The following WWOX variants were observed in gnomAD, a reference collection of about 807,000 sequenced individuals.
The protein encoded by WWOX is WW domain-containing oxidoreductase.
Under a neutral mutation model 46.2 loss-of-function variants are expected in WWOX, and 69 were observed. The ratio of observed to expected loss-of-function variants is 1.49; its 90% CI spans 1.23 to 1.82. The LOEUF (loss-of-function observed/expected upper bound fraction) is 1.82, where lower values mean the gene tolerates loss of function less well. WWOX is among the 40% of genes most tolerant of loss of function. The pLI, the probability that WWOX is intolerant of heterozygous loss-of-function variation, is 0.00. For missense variants in WWOX, 919 were observed against 542.6 expected, an observed-to-expected ratio of 1.69 and a Z score of -6.89; for synonymous variants, 359 against 202.6, an observed-to-expected ratio of 1.77 and a Z score of -6.56.
At chr16:78,865,237 T>A (rs978743612) in intron 8 of WWOX, among the ~76,000 whole-genome samples, 1 of 152,200 alleles carries the variant, frequency 6.6e-6, no homozygotes, top group African/African-American at 2.4e-5. Flanking sequence ...TTTTTTTCCT[T>A]GACTTACTCT....
intron 5 of WWOX, among the ~76,000 whole-genome samples, chr16:78,182,282 G>A (rs1185321955): frequency 2.0e-5 from 3 of 152,144 alleles, no homozygotes; most frequent in Non-Finnish European, 4.4e-5. Flanking sequence ...CCTAGCGTGT[G>A]CTTTCCAAGT....
intron 5 of WWOX, among the ~76,000 whole-genome samples, chr16:78,286,049 G>A (rs1056898715): frequency 6.6e-6 from 1 of 152,162 alleles, no homozygotes; most frequent in Non-Finnish European, 1.5e-5. Context: ...CGAGATCGAC[G>A]TGTGTTCATT....
chr16:78,855,532 T>G (rs1228630006), intron 8 of WWOX, among the ~76,000 whole-genome samples: 1 of 152,234 alleles, frequency 6.6e-6, no homozygotes, highest in East Asian at 1.9e-4. Context: ...TTTGTAAATG[T>G]GGCAGACAAT....
intron 8 of WWOX, among the ~76,000 whole-genome samples, chr16:79,116,857 G>C (rs1178330060): frequency 6.6e-6 from 1 of 151,880 alleles, no homozygotes; most frequent in East Asian, 1.9e-4. Context: ...GAAGAATACA[G>C]TATCTGTGGC....
At chr16:78,913,785 C>T (rs887833362) in intron 8 of WWOX, among the ~76,000 whole-genome samples, 3 of 151,874 alleles carry the variant, frequency 2.0e-5, no homozygotes, top group Admixed American at 1.3e-4. Flanking sequence ...CCGTAGCCTC[C>T]TGAATAGCTG....
At chr16:78,852,301 G>T in intron 8 of WWOX, among the ~76,000 whole-genome samples, 1 of 152,172 alleles carries the variant, frequency 6.6e-6, no homozygotes, top group East Asian at 1.9e-4. Context: ...CCTACAGGGG[G>T]AAGTGATAGC....
At chr16:78,804,945 G>C (rs1229558999) in intron 8 of WWOX, among the ~76,000 whole-genome samples, 3 of 152,172 alleles carry the variant, frequency 2.0e-5, no homozygotes, top group Non-Finnish European at 4.4e-5. Flanking sequence ...TTGAAATATT[G>C]CTACCAATGT....
At chr16:78,317,153 G>A (rs1185597991) in intron 5 of WWOX, among the ~76,000 whole-genome samples, 1 of 152,152 alleles carries the variant, frequency 6.6e-6, no homozygotes, top group African/African-American at 2.4e-5. Flanking sequence ...AGTAAGGGAA[G>A]GCTTCTGGAA....
intron 8 of WWOX, among the ~76,000 whole-genome samples, chr16:78,443,543 A>G (rs564205880): frequency 9.9e-5 from 15 of 152,248 alleles, no homozygotes; most frequent in South Asian, 4.2e-4. Flanking sequence ...CACCTCATCA[A>G]TGTATTTTTT....
intron 8 of WWOX, among the ~76,000 whole-genome samples, chr16:78,721,998 A>G (rs187683256): frequency 6.6e-6 from 1 of 152,342 alleles, no homozygotes; most frequent in African/African-American, 2.4e-5. Flanking sequence ...ATTAGCATCC[A>G]GGCACTTTCT....
chr16:79,209,431 C>G (rs1484039055), intron 8 of WWOX, among the ~76,000 whole-genome samples: 1 of 152,212 alleles, frequency 6.6e-6, no homozygotes. Context: ...CTGCTTTGGT[C>G]TTTCCTCACG....
At chr16:79,000,328 A>G (rs1258260951) in intron 8 of WWOX, among the ~76,000 whole-genome samples, 1 of 152,194 alleles carries the variant, frequency 6.6e-6, no homozygotes, top group Non-Finnish European at 1.5e-5. Flanking sequence ...TCCTAATTCC[A>G]TGGAACCTAT....
chr16:78,851,826 T>C (rs2052451472), intron 8 of WWOX, among the ~76,000 whole-genome samples: 1 of 152,244 alleles, frequency 6.6e-6, no homozygotes, highest in Admixed American at 6.5e-5. Flanking sequence ...TGCTAATGCA[T>C]TTTCACAAGT....
chr16:78,704,108 G>A (rs561766277), intron 8 of WWOX, among the ~76,000 whole-genome samples: 3 of 151,036 alleles, frequency 2.0e-5, no homozygotes, highest in Non-Finnish European at 4.4e-5. Context: ...CACCCAGCAC[G>A]TCATGGTGGA....
intron 8 of WWOX, among the ~76,000 whole-genome samples, chr16:78,673,407 A>T (rs997878638): frequency 6.6e-6 from 1 of 152,142 alleles, no homozygotes; most frequent in Admixed American, 6.6e-5. Context: ...ATCTTAGCCA[A>T]CTGTGAACAT....
rs73569310 is a variant in WWOX, at chr16:79,208,514, G to A, written c.1057-3094G>A. On this transcript the variant is annotated intron_variant, in intron 8 of 8. Coordinates refer to ENST00000566780, the MANE Select transcript of WWOX (RefSeq NM_016373.4). Reference sequence around the variant, plus strand: ...GGTATTGCTTCAGATATTTTATAACGGAGTTGTTAACATTATTTCCTTTAG... The same window carrying A: ...GGTATTGCTTCAGATATTTTATAACAGAGTTGTTAACATTATTTCCTTTAG... Among the ~76,000 whole-genome samples, 408 of 152,224 alleles carry A rather than the reference G, an allele frequency of 2.7e-3. 4 individuals are homozygous for A. Among genetic ancestry groups the A allele is most frequent in the African/African-American group, 9.2e-3 (384 of 41,528 alleles).
At chr16:78,588,993 G>A (rs1226808852) in intron 8 of WWOX, among the ~76,000 whole-genome samples, 2 of 152,148 alleles carry the variant, frequency 1.3e-5, no homozygotes, top group African/African-American at 4.8e-5. Flanking sequence ...CTGGGAATGT[G>A]GCCATCATAG....
Position 78,424,983 on chromosome 16 carries a change from T to A in WWOX, c.719T>A (p.Val240Asp). The A allele has an allele frequency of 6.2e-7, 1 of 1,614,194 alleles. No homozygotes were observed. Among genetic ancestry groups the A allele is most frequent in the South Asian group, 1.1e-5 (1 of 91,080 alleles). The change falls in exon 7 of 9, where the codon GTC (valine) becomes GAC (aspartate). Residue 240 changes from valine to aspartate, a missense_variant. Val to Asp is a radical substitution (Grantham distance 152). Coordinates refer to ENST00000566780, the MANE Select transcript of WWOX (RefSeq NM_016373.4). ...QVNHLGHFYL[V>D]QLLQDVLCRS... ...AATCATCTGGGGCACTTCTACCTTGTCCAGCTCCTCCAGGATGTTTTGTGC... is the reference window on the plus strand; with the variant it reads ...AATCATCTGGGGCACTTCTACCTTGACCAGCTCCTCCAGGATGTTTTGTGC...
intron 5 of WWOX, among the ~76,000 whole-genome samples, chr16:78,291,081 T>C (rs1434521487): frequency 6.6e-6 from 1 of 152,226 alleles, no homozygotes; most frequent in Non-Finnish European, 1.5e-5. Flanking sequence ...ACTTTCTCTC[T>C]CTCTTTCTTC....
Sources: allele counts gnomAD v4.1 joint callset (sites outside exome capture counted in the v4.1 genomes callset), GRCh38; gene constraint gnomAD v4.1.1; transcripts MANE v1.5; gene names NCBI Gene and HGNC (gene_info 2026-07-23, HGNC 2026-07-21).